Variants in NPEPL1 observed in about 807,000 individuals in gnomAD.
NPEPL1 encodes probable aminopeptidase NPEPL1.
In NPEPL1, 45 loss-of-function variants were observed where a neutral mutation model predicts 52.4. The ratio of observed to expected loss-of-function variants is 0.86; its 90% confidence interval spans 0.68 to 1.10. The LOEUF (loss-of-function observed/expected upper bound fraction) is 1.10. Ranked by LOEUF, NPEPL1 falls within the 50% of genes least tolerant of loss-of-function variation. The pLI, the probability that NPEPL1 is intolerant of heterozygous loss-of-function variation, is 0.00. For missense variants in NPEPL1, 696 were observed against 710.9 expected (o/e 0.98, Z 0.24); for synonymous variants, 360 against 314.7 (o/e 1.14, Z -1.52).
intron 7 of NPEPL1, chr20:58,710,867 T>G (rs1471017032): frequency 6.6e-6 from 1 of 152,536 alleles, no homozygotes; most frequent in Non-Finnish European, 1.5e-5. Context: ...CTCAGCACTG[T>G]TTGCCCCAGG....
chr20:58,689,197 A>G (rs1180858077), upstream of NPEPL1: 2 of 152,238 alleles, frequency 1.3e-5, no homozygotes, highest in East Asian at 3.8e-4. Context: ...TGCAAGGTCA[A>G]GTACAACCTG....
chr20:58,713,593 C>G lies in NPEPL1; in HGVS notation c.1125+50C>G, dbSNP rs1474989049. 1.1e-5 allele frequency: 17 copies of G among 1,523,050 alleles called. No homozygotes were observed. The highest frequency in any genetic ancestry group is 1.5e-5 in the Non-Finnish European group (17 of 1,129,782). The allele number at this position is 1,523,050 out of a possible 1,614,324, so 94.3% of individuals were successfully genotyped here. A position where few individuals can be genotyped will look rare whatever the true frequency, so the allele number is the denominator to read the frequency against. ...TTAGCTGTAGTCCCAGGGAACCCCACCCCACTCTTGACCTCAAGGTGGGGA... is the reference window on the plus strand; with the variant it reads ...TTAGCTGTAGTCCCAGGGAACCCCAGCCCACTCTTGACCTCAAGGTGGGGA... On this transcript the variant is annotated intron_variant, in intron 9 of 11. Coordinates refer to ENST00000356091, the MANE Select transcript of NPEPL1 (RefSeq NM_024663.4). This position sits in a 1 kb window ranked among gnomAD's most constrained non-coding sequence, Gnocchi z 4.6.
intron 6 of NPEPL1, among the ~76,000 whole-genome samples, chr20:58,701,873 G>T (rs1467634294): frequency 6.6e-6 from 1 of 152,180 alleles, no homozygotes; most frequent in Non-Finnish European, 1.5e-5. Context: ...ACGGCTTTCT[G>T]TCCTGCCATC....
Position 58,713,486 on chromosome 20 carries a change from T to A in NPEPL1, c.1068T>A (p.Ala356=). The change falls in exon 9 of 12, where the codon GCT becomes GCA. Residue 356 remains alanine (A), a synonymous_variant. Transcript: ENST00000356091. The surrounding 1 kb of genome is among the most constrained non-coding windows in gnomAD (Gnocchi z 4.6). ...RLVLADGVSY[A]CKDLGADIIL... is the part of the protein sequence containing the mutation. ...TGCTGGCAGATGGCGTGTCCTATGC[T>A]TGCAAGGACCTGGGGGCCGACATCA... 1 of 1,611,590 alleles carries A rather than the reference T, an allele frequency of 6.2e-7. No individual in the cohort carries two copies. Among genetic ancestry groups the A allele is most frequent in the Non-Finnish European group, 8.5e-7 (1 of 1,179,114 alleles).
At chr20:58,703,601 A>C (rs1407080980) in intron 6 of NPEPL1, 1 of 985,146 alleles carries the variant, frequency 1.0e-6, no homozygotes, top group Admixed American at 6.2e-5. Flanking sequence ...TGAGAAGATG[A>C]GCTTCCTGGG....
chr20:58,696,397 TG>T (rs1322606945), intron 3 of NPEPL1, among the ~76,000 whole-genome samples: 2 of 152,254 alleles, frequency 1.3e-5, no homozygotes, highest in African/African-American at 4.8e-5. Context: ...ACATCTTTGT[TG>T]ATCTCCTGTG....
chr20:58,692,985 C>A lies in NPEPL1; in HGVS notation c.85C>A (p.His29Asn). ...SRPLLLLGQL[H>N]HLHRVPWSHV... ...GCCCCTGCTGCTGCTCGGGCAGCTG[C>A]ACCACCTGCACCGCGTGCCCTGGAG... The change falls in exon 1 of 12, where the codon CAC (histidine) becomes AAC (asparagine). Residue 29 changes from histidine to asparagine, a missense_variant. Coordinates refer to ENST00000356091, the MANE Select transcript of NPEPL1 (RefSeq NM_024663.4). This position sits in a 1 kb window ranked among gnomAD's most constrained non-coding sequence, Gnocchi z 5.7. The A allele has an allele frequency of 2.6e-6, 3 of 1,174,408 alleles. No individual in the cohort carries two copies. Among genetic ancestry groups the A allele is most frequent in the Non-Finnish European group, 3.2e-6 (3 of 932,610 alleles). The allele number at this position is 1,174,408 out of a possible 1,614,324, so 72.7% of individuals were successfully genotyped here. A position where few individuals can be genotyped will look rare whatever the true frequency, so the allele number is the denominator to read the frequency against.
chr20:58,715,030 G>A (rs1184413593), intron 11 of NPEPL1, 138 bp from the exon 12 acceptor site: 16 of 997,300 alleles, frequency 1.6e-5, no homozygotes, highest in South Asian at 9.9e-5. Flanking sequence ...TCTGGGCTCC[G>A]GCTGGTGCTC....
chr20:58,707,251 G>A, intron 7 of NPEPL1, 51 bp downstream of exon 7: 1 of 1,472,822 alleles, frequency 6.8e-7, no homozygotes, highest in Non-Finnish European at 9.2e-7. Flanking sequence ...TGTGCCTCGT[G>A]GGTGCTCCCC....
At chr20:58,693,961 T>C (rs2084407712) in intron 2 of NPEPL1, 39 bp downstream of exon 2, 3 of 1,515,724 alleles carry the variant, frequency 2.0e-6, no homozygotes, top group Non-Finnish European at 2.7e-6. Flanking sequence ...GTGCTCCTAG[T>C]CGGGCAGCGG....
chr20:58,694,871 C>G (rs942190066), intron 3 of NPEPL1, among the ~76,000 whole-genome samples: 3 of 152,214 alleles, frequency 2.0e-5, no homozygotes, highest in Admixed American at 6.5e-5. Context: ...TCCAAATAAC[C>G]CTGCCCGTTT....
chr20:58,693,119 C>T (rs933165926), intron 1 of NPEPL1, 69 bp downstream of exon 1: 4 of 951,118 alleles, frequency 4.2e-6, no homozygotes, highest in Non-Finnish European at 3.7e-6. Context: ...CCGCGGAGGC[C>T]CCGCCTCGCC....
intron 10 of NPEPL1, 185 bp from the exon 11 acceptor site, chr20:58,714,375 G>C (rs2084915029): frequency 3.3e-6 from 2 of 601,320 alleles, no homozygotes; most frequent in South Asian, 4.3e-5. Flanking sequence ...CTTGGCCTAT[G>C]GTGGGGGCAG....
intron 3 of NPEPL1, among the ~76,000 whole-genome samples, chr20:58,698,365 A>G (rs1463593394): frequency 2.6e-5 from 4 of 152,064 alleles, no homozygotes; most frequent in Admixed American, 6.6e-5. Context: ...AGCTGGAATC[A>G]GGGGAGAAAC....
chr20:58,691,507 C>T (rs1568843899), upstream of NPEPL1: 30 of 667,208 alleles, frequency 4.5e-5, 1 homozygote, highest in East Asian at 8.2e-4. Flanking sequence ...TTCCAAGGGG[C>T]CAGGGACCAT....
rs1322862674 is a variant in NPEPL1 at position 58,714,361 on chromosome 20, C to T, written c.1303-199C>T. 3 of 598,096 alleles carry T rather than the reference C, an allele frequency of 5.0e-6. No individual in the cohort carries two copies. In the East Asian group the frequency reaches 9.0e-5, roughly 18 times the overall value. The allele number at this position is 598,096 out of a possible 1,614,324, so 37.0% of individuals were successfully genotyped here. ...GCCCCATCAGGCCCTTTGCTGGCTT[C>T]CCCCTTGGCCTATGGTGGGGGCAGA... On this transcript the variant is annotated intron_variant, in intron 10 of 11. Transcript: ENST00000356091.
At chr20:58,702,259 C>T (rs1383137344) in intron 6 of NPEPL1, among the ~76,000 whole-genome samples, 3 of 152,242 alleles carry the variant, frequency 2.0e-5, no homozygotes, top group Admixed American at 6.5e-5. Context: ...TCTGTTCCCG[C>T]CTGGCAGCAT....
chr20:58,705,150 A>T (rs951863509), intron 6 of NPEPL1, among the ~76,000 whole-genome samples: 1 of 152,248 alleles, frequency 6.6e-6, no homozygotes, highest in Non-Finnish European at 1.5e-5. Context: ...CATTGGCAAT[A>T]AATAATGTCA....
chr20:58,706,499 C>T (rs1361618152), intron 6 of NPEPL1, among the ~76,000 whole-genome samples: 1 of 152,168 alleles, frequency 6.6e-6, no homozygotes, highest in Non-Finnish European at 1.5e-5. Context: ...CGACAGGTGG[C>T]CAGGGCAGGT....
Sources: allele counts gnomAD v4.1 joint callset (sites outside exome capture counted in the v4.1 genomes callset), GRCh38; gene constraint gnomAD v4.1.1; non-coding constraint Gnocchi (gnomAD v3.1); transcripts MANE v1.5; gene names NCBI Gene and HGNC (gene_info 2026-07-23, HGNC 2026-07-21).